Variants in MPP7 observed in about 807,000 individuals in gnomAD.
MPP7 encodes MAGUK p55 scaffold protein 7, also known as MAGUK p55 subfamily member 7.
A neutral mutation model predicts 76.5 loss-of-function variants in MPP7; 60 were observed. The observed-to-expected ratio is 0.78, with a 90% CI of 0.64 to 0.97. The LOEUF (loss-of-function observed/expected upper bound fraction) is 0.97. MPP7 is among the 50% of genes least tolerant of loss of function. MPP7 has a pLI of 0.00. For missense variants in MPP7, 641 were observed against 694.0 expected (o/e 0.92, Z 0.86); for synonymous variants, 237 against 244.5 (o/e 0.97, Z 0.29).
At chr10:28,326,033 G>T in intron 2 of MPP7, among the ~76,000 whole-genome samples, 1 of 150,516 alleles carries the variant, frequency 6.6e-6, no homozygotes, top group African/African-American at 2.4e-5. Context: ...CAGTAATTAA[G>T]TTAACTTTAT....
At chr10:28,135,772 T>G (rs1450815698) in intron 5 of MPP7, among the ~76,000 whole-genome samples, 3 of 151,908 alleles carry the variant, frequency 2.0e-5, no homozygotes, top group African/African-American at 7.3e-5. Context: ...AAAAAAAAGC[T>G]AAAAATAAGC....
At chr10:28,188,189 T>C (rs748087220) in intron 3 of MPP7, among the ~76,000 whole-genome samples, 2 of 152,134 alleles carry the variant, frequency 1.3e-5, no homozygotes, top group Non-Finnish European at 2.9e-5. Context: ...CCAAGTGTCA[T>C]CTCTCATACT....
chr10:28,098,429 G>C (rs2133497529), intron 11 of MPP7, among the ~76,000 whole-genome samples: 1 of 151,770 alleles, frequency 6.6e-6, no homozygotes, highest in East Asian at 1.9e-4. Context: ...TTTTTAAAAA[G>C]ACAATGGTTG....
intron 1 of MPP7, among the ~76,000 whole-genome samples, chr10:28,241,403 C>T (rs896627516): frequency 2.2e-4 from 33 of 152,110 alleles, no homozygotes; most frequent in Non-Finnish European, 1.5e-5. Flanking sequence ...AGACCATATA[C>T]AAGCATATGA....
chr10:28,177,331 CAAG>C (rs1286141724), intron 3 of MPP7, among the ~76,000 whole-genome samples: 1 of 144,070 alleles, frequency 6.9e-6, no homozygotes, highest in East Asian at 2.1e-4. Flanking sequence ...TCACTTGAAA[CAAG>C]GAGGCAGAGG....
intron 8 of MPP7, among the ~76,000 whole-genome samples, chr10:28,121,208 G>A (rs1834826693): frequency 6.6e-6 from 1 of 151,812 alleles, no homozygotes; most frequent in Non-Finnish European, 1.5e-5. Context: ...AGGAGTTCAA[G>A]GCTGCGGTGA....
At chr10:28,140,029 G>A (rs566686103) in intron 5 of MPP7, among the ~76,000 whole-genome samples, 1 of 152,224 alleles carries the variant, frequency 6.6e-6, no homozygotes, top group South Asian at 2.1e-4. Flanking sequence ...ATTTAAATAA[G>A]TCAGGATATT....
chr10:28,251,057 TA>T (rs1839597533), intron 1 of MPP7, among the ~76,000 whole-genome samples: 1 of 152,190 alleles, frequency 6.6e-6, no homozygotes, highest in African/African-American at 2.4e-5. Flanking sequence ...GTTAAAGCTA[TA>T]AAAAATATAT....
At chr10:28,207,587 A>G (rs992377275) in intron 2 of MPP7, among the ~76,000 whole-genome samples, 1 of 152,116 alleles carries the variant, frequency 6.6e-6, no homozygotes, top group South Asian at 2.1e-4. Context: ...CAGGAGGCTG[A>G]GGCAGGAGAA....
intron 3 of MPP7, among the ~76,000 whole-genome samples, chr10:28,158,438 C>G (rs1836143643): frequency 6.6e-6 from 1 of 152,050 alleles, no homozygotes; most frequent in South Asian, 2.1e-4. Flanking sequence ...GGCAGGGGGG[C>G]CCACAGCCTA....
intron 2 of MPP7, among the ~76,000 whole-genome samples, chr10:28,216,033 G>A (rs963091947): frequency 3.3e-5 from 5 of 152,098 alleles, no homozygotes. Flanking sequence ...AGTGAACTGA[G>A]AGATGAGAAC....
intron 2 of MPP7, among the ~76,000 whole-genome samples, chr10:28,208,349 T>C (rs1226494324): frequency 6.6e-6 from 1 of 152,102 alleles, no homozygotes; most frequent in Non-Finnish European, 1.5e-5. Flanking sequence ...CCATTTTTAG[T>C]CCTGGCATAG....
chr10:28,280,229 G>A (rs1482851334), intron 1 of MPP7: 3 of 152,008 alleles, frequency 2.0e-5, no homozygotes, highest in Admixed American at 6.6e-5. Flanking sequence ...TTATACAGTC[G>A]TTCCTCTGTA....
At chr10:28,319,570 A>G (rs1028742832) in intron 2 of MPP7, among the ~76,000 whole-genome samples, 2 of 152,064 alleles carry the variant, frequency 1.3e-5, no homozygotes, top group African/African-American at 2.4e-5. Flanking sequence ...AGAGAGAGAG[A>G]GATGATATAT....
chr10:28,277,036 A>C (rs1485256523), intron 1 of MPP7, among the ~76,000 whole-genome samples: 1 of 151,980 alleles, frequency 6.6e-6, no homozygotes, highest in African/African-American at 2.4e-5. Context: ...CTACAAAAAA[A>C]AAAATTCATT....
intron 10 of MPP7, 60 bp from the exon 11 acceptor site, chr10:28,119,775 A>G (rs952476546): frequency 8.4e-6 from 11 of 1,304,542 alleles, no homozygotes; most frequent in South Asian, 3.8e-5. Context: ...GGTGAATACA[A>G]TATCAAAATA....
chr10:28,208,781 G>T (rs183727088), intron 2 of MPP7, among the ~76,000 whole-genome samples: 12 of 152,284 alleles, frequency 7.9e-5, no homozygotes, highest in Admixed American at 5.9e-4. Context: ...GCAATAAAAT[G>T]ATAACTGGCT....
chr10:28,300,372 C>T (rs1841127524), intron 1 of MPP7, among the ~76,000 whole-genome samples: 1 of 152,000 alleles, frequency 6.6e-6, no homozygotes, highest in Non-Finnish European at 1.5e-5. Flanking sequence ...TTCCAGTGTC[C>T]CACAATGCAA....
intron 1 of MPP7, among the ~76,000 whole-genome samples, chr10:28,286,669 G>T (rs181274891): frequency 6.6e-6 from 1 of 152,000 alleles, no homozygotes; most frequent in East Asian, 1.9e-4. Context: ...ATGCAAACAG[G>T]TCATTCACAA....
Sources: gnomAD v4.1 joint callset for allele counts (sites outside exome capture counted in the v4.1 genomes callset) on GRCh38, gnomAD v4.1.1 for gene constraint, MANE v1.5 for transcripts, NCBI Gene and HGNC (gene_info 2026-07-23, HGNC 2026-07-21) for gene names.